The following GPC3 variants were observed in gnomAD, a reference collection of about 807,000 sequenced individuals.
The protein encoded by GPC3 is glypican 3.
In GPC3, 3 loss-of-function variants were observed where a neutral mutation model predicts 34.4. The observed-to-expected ratio is 0.09, with a 90% confidence interval of 0.04 to 0.23. GPC3 has a LOEUF of 0.23. Ranked by LOEUF, GPC3 falls within the 10% of genes least tolerant of loss-of-function variation. The probability of loss-of-function intolerance (pLI) is 1.00; values close to 1 mark genes in which losing one functional copy is unlikely to be tolerated. For synonymous variants in GPC3, 177 were observed against 174.0 expected (o/e 1.02, Z -0.13); for missense variants, 351 against 445.6 (o/e 0.79, Z 1.91).
intron 2 of GPC3, among the ~76,000 whole-genome samples, chrX:133,907,028 G>A (rs945962932): frequency 1.8e-5 from 2 of 109,422 alleles, no homozygotes; most frequent in Non-Finnish European, 3.8e-5. Context: ...TTGAACCCGG[G>A]AGGCGGAGCT....
chrX:133,799,842 G>A (rs1449063430), intron 2 of GPC3, among the ~76,000 whole-genome samples: 1 of 111,435 alleles, frequency 9.0e-6, no homozygotes, highest in African/African-American at 3.3e-5. Context: ...AGTCTAAAAG[G>A]TCAAAGTCTG....
At chrX:133,886,732 G>A (rs1031190429) in intron 2 of GPC3, among the ~76,000 whole-genome samples, 3 of 112,083 alleles carry the variant, frequency 2.7e-5, no homozygotes, top group Non-Finnish European at 5.6e-5. Flanking sequence ...TTCACTTAGC[G>A]TAATGACCTT....
chrX:133,965,015 C>G (rs2076457037), intron 1 of GPC3, among the ~76,000 whole-genome samples: 1 of 111,515 alleles, frequency 9.0e-6, no homozygotes, highest in Non-Finnish European at 1.9e-5. Context: ...CCACCCACAT[C>G]CCTCTCAGGA....
chrX:133,629,392 G>T (rs1173797827), intron 6 of GPC3, among the ~76,000 whole-genome samples: 1 of 108,990 alleles, frequency 9.2e-6, no homozygotes, highest in Non-Finnish European at 1.9e-5. Flanking sequence ...ATTCTTTTTT[G>T]TTTGTTTGTT....
At chrX:133,889,481 A>G (rs758778298) in intron 2 of GPC3, among the ~76,000 whole-genome samples, 23 of 112,096 alleles carry the variant, frequency 2.1e-4, no homozygotes, top group Admixed American at 6.6e-4. Context: ...GTAAATCTTA[A>G]TCTATTTCGA....
intron 6 of GPC3, among the ~76,000 whole-genome samples, chrX:133,650,877 T>C (rs2070594674): frequency 8.9e-6 from 1 of 111,777 alleles, no homozygotes; most frequent in Admixed American, 9.5e-5. Context: ...TTTCACAGAT[T>C]AGGAAGCATG....
intron 2 of GPC3, among the ~76,000 whole-genome samples, chrX:133,841,024 G>A (rs1569443275): frequency 9.3e-6 from 1 of 107,647 alleles, no homozygotes; most frequent in Non-Finnish European, 1.9e-5. Flanking sequence ...CTAATGTATT[G>A]CCTATATTTT....
intron 5 of GPC3, among the ~76,000 whole-genome samples, chrX:133,666,808 T>C (rs2070772483): frequency 8.9e-6 from 1 of 112,051 alleles, no homozygotes; most frequent in African/African-American, 3.2e-5. Flanking sequence ...TGGGTCTACA[T>C]TTGCATTACT....
At chrX:133,767,844 C>T (rs1298530361) in intron 2 of GPC3, among the ~76,000 whole-genome samples, 2 of 109,935 alleles carry the variant, frequency 1.8e-5, no homozygotes, top group African/African-American at 6.6e-5. Context: ...AATGTTTCAC[C>T]TTCAGCCAAC....
intron 2 of GPC3, among the ~76,000 whole-genome samples, chrX:133,906,701 G>A (rs1437726036): frequency 8.9e-6 from 1 of 112,134 alleles, no homozygotes; most frequent in Non-Finnish European, 1.9e-5. Flanking sequence ...ACTGTATTAA[G>A]TGCCTGCTAC....
At chrX:133,587,038 G>C (rs1049046255) in intron 7 of GPC3, among the ~76,000 whole-genome samples, 2 of 111,383 alleles carry the variant, frequency 1.8e-5, no homozygotes, top group Non-Finnish European at 3.8e-5. Context: ...AGTGGTTCTA[G>C]AACACCAGAA....
chrX:133,826,225 C>T (rs1386796939), intron 2 of GPC3, among the ~76,000 whole-genome samples: 2 of 111,413 alleles, frequency 1.8e-5, no homozygotes, highest in African/African-American at 6.5e-5. Flanking sequence ...ACATACTGGA[C>T]AAAGACTCTG....
chrX:133,927,146 GA>G (rs1337880232), intron 2 of GPC3, among the ~76,000 whole-genome samples: 1 of 110,667 alleles, frequency 9.0e-6, no homozygotes, highest in African/African-American at 3.3e-5. Flanking sequence ...TAAGAGAAAA[GA>G]AAAAATAAAG....
At chrX:133,875,608 T>C (rs1027504614) in intron 2 of GPC3, among the ~76,000 whole-genome samples, 4 of 111,548 alleles carry the variant, frequency 3.6e-5, no homozygotes, top group Non-Finnish European at 5.7e-5. Flanking sequence ...CAGTCTCTCA[T>C]ATTCTTTTAT....
At position 133,791,843 on chromosome X, in the gene GPC3, TCCTTCCTC is replaced by T. The variant is rs1171818753; in HGVS notation, c.338-37675_338-37668del. 2.4e-3 allele frequency among the ~76,000 whole-genome samples: 138 copies of T among 58,591 alleles called. 1 individual carries two copies. Among genetic ancestry groups the T allele is most frequent in the African/African-American group, 8.0e-3 (127 of 15,865 alleles). 50.9% of individuals were successfully genotyped at this position (58,591 alleles called of 115,157 possible). ...TTCCTTCCTTCCTTCCTTCCTTCCTTCCTTCCTCCCTCCCTCCCTCTCTCTCTTTCTTT... is the reference window on the plus strand; with the variant it reads ...TTCCTTCCTTCCTTCCTTCCTTCCTTCCTCCCTCCCTCTCTCTCTTTCTTT... On this transcript the variant is annotated intron_variant, in intron 2 of 7. Coordinates refer to ENST00000370818, the MANE Select transcript of GPC3 (RefSeq NM_004484.4).
intron 2 of GPC3, among the ~76,000 whole-genome samples, chrX:133,913,167 C>A (rs1297007233): frequency 9.0e-6 from 1 of 111,273 alleles, no homozygotes; most frequent in African/African-American, 3.3e-5. Flanking sequence ...AGTAGAGAGA[C>A]AAGGGAGCAC....
chrX:133,663,040 C>T (rs192708164), intron 5 of GPC3, among the ~76,000 whole-genome samples: 134 of 111,245 alleles, frequency 1.2e-3, no homozygotes, highest in African/African-American at 4.2e-3. Flanking sequence ...CAAGAGTGGA[C>T]CATGGTCAAC....
chrX:133,931,405 C>A (rs1036469572), intron 2 of GPC3, among the ~76,000 whole-genome samples: 1 of 110,554 alleles, frequency 9.0e-6, no homozygotes, highest in African/African-American at 3.3e-5. Flanking sequence ...GGTTAGAAAG[C>A]GATTAAATCC....
intron 7 of GPC3, among the ~76,000 whole-genome samples, chrX:133,593,354 T>TAAAAAAA (rs1186766438): frequency 6.3e-5 from 3 of 47,711 alleles, no homozygotes; most frequent in African/African-American, 8.7e-5. Flanking sequence ...AAAAAAAAAG[T>TAAAAAAA]AAAAAAAAAA....
Sources: gnomAD v4.1 joint callset for allele counts (sites outside exome capture counted in the v4.1 genomes callset) on GRCh38, gnomAD v4.1.1 for gene constraint, MANE v1.5 for transcripts, NCBI Gene and HGNC (gene_info 2026-07-23, HGNC 2026-07-21) for gene names.